The following OPTN variants were observed in gnomAD, a reference collection of about 807,000 sequenced individuals.
OPTN encodes E3-14.7K-interacting protein.
OPTN carries 54 observed loss-of-function variants against 70.4 expected under a neutral mutation model. The ratio of observed to expected loss-of-function variants is 0.77; its 90% CI spans 0.62 to 0.96. The LOEUF (loss-of-function observed/expected upper bound fraction) is 0.96. Ranked by LOEUF, OPTN falls within the 40% of genes least tolerant of loss-of-function variation. OPTN has a pLI of 0.00. For missense variants in OPTN, 624 were observed against 673.2 expected, an observed-to-expected ratio of 0.93 and a Z score of 0.81; for synonymous variants, 256 against 248.5, an observed-to-expected ratio of 1.03 and a Z score of -0.28.
chr10:13,111,473 A>G (rs962808891), intron 4 of OPTN, among the ~76,000 whole-genome samples: 11 of 152,134 alleles, frequency 7.2e-5, no homozygotes, highest in Non-Finnish European at 1.6e-4. Flanking sequence ...TAGGGTGGGC[A>G]GATCACCTGA....
chr10:13,109,339 A>G, intron 3 of OPTN, 51 bp downstream of exon 3: 1 of 1,594,188 alleles, frequency 6.3e-7, no homozygotes, highest in East Asian at 2.2e-5. Context: ...CCTGCAAGAA[A>G]TGCCATCCCT....
chr10:13,117,051 C>T (rs988977571), intron 6 of OPTN, among the ~76,000 whole-genome samples: 58 of 149,342 alleles, frequency 3.9e-4, no homozygotes, highest in African/African-American at 1.3e-3. Context: ...ATTCAAGAGA[C>T]GATTGTCTGA....
chr10:13,137,558 A>C lies in OPTN; in HGVS notation c.*692A>C, dbSNP rs1357929684. The C allele has an allele frequency of 4.3e-6, 1 of 230,862 alleles. No individual in the cohort carries two copies. Among genetic ancestry groups the C allele is most frequent in the African/African-American group, 2.2e-5 (1 of 45,222 alleles). The allele number at this position is 230,862 out of a possible 1,614,324, so 14.3% of individuals were successfully genotyped here. The stretch of plus-strand genomic sequence containing the variant: ...AATTTTAAGAACCTTTTAGGGATGC[A>C]GGAACAATGAAGTGGCCACAGTATG... On this transcript the variant is annotated 3_prime_UTR_variant, in exon 15 of 15. Coordinates refer to ENST00000378747, the MANE Select transcript of OPTN (RefSeq NM_001008212.2).
At position 13,136,759 on chromosome 10, in the gene OPTN, G is replaced by C. The variant is rs763258396; in HGVS notation, c.1627G>C (p.Asp543His). ...CTTATTCCCAGGAGCTGAGGACAGG[G>C]ACTGGCGGCAACAGCGGAATATTCC... is the stretch of plus-strand genomic sequence containing the variant. ...YLVQRGAEDRDWRQQRNIPIH... is the reference protein window; with the variant it reads ...YLVQRGAEDRHWRQQRNIPIH... The change falls in exon 15 of 15, where the codon GAC becomes CAC. Residue 543 changes from aspartate to histidine, a missense_variant. Physicochemically the swap from Asp to His is moderately conservative, Grantham distance 81. Transcript: ENST00000378747. 1.9e-6 allele frequency: 3 copies of C among 1,614,070 alleles called. No homozygotes were observed. Among genetic ancestry groups the C allele is most frequent in the Admixed American group, 1.7e-5 (1 of 60,010 alleles).
At chr10:13,110,194 G>A (rs1832965128) in intron 3 of OPTN, 80 bp from the exon 4 acceptor site, 1 of 1,577,006 alleles carries the variant, frequency 6.3e-7, no homozygotes, top group African/African-American at 1.3e-5. Flanking sequence ...ATGTGGTCAA[G>A]TGGACTAGAG....
chr10:13,122,546 A>G, intron 8 of OPTN, 59 bp downstream of exon 8: 1 of 1,112,988 alleles, frequency 9.0e-7, no homozygotes. Context: ...TAGTCCAGCC[A>G]CTGAATTCAA....
chr10:13,116,083 G>T (rs1046077704), intron 5 of OPTN, among the ~76,000 whole-genome samples, 184 bp from the exon 6 acceptor site: 1 of 152,154 alleles, frequency 6.6e-6, no homozygotes, highest in African/African-American at 2.4e-5. Context: ...GGCGTGCCAG[G>T]TGAGGGGAGG....
Position 13,127,775 on chromosome 10 carries a change from G to A in OPTN, c.1273G>A (p.Glu425Lys). 2 of 1,614,106 alleles carry A rather than the reference G, an allele frequency of 1.2e-6. No homozygotes were observed. The highest frequency in any genetic ancestry group is 1.7e-6 in the Non-Finnish European group (2 of 1,180,010). Reference protein sequence around the residue: ...SEKVDRAVLKELSEKLELAEK... With the variant: ...SEKVDRAVLKKLSEKLELAEK... ...AAAAGTGGACAGGGCAGTGCTGAAGGAACTGAGTGAAAAACTGGAACTGGC... is the reference window on the plus strand; with the variant it reads ...AAAAGTGGACAGGGCAGTGCTGAAGAAACTGAGTGAAAAACTGGAACTGGC... The change falls in exon 12 of 15, where the codon GAA (glutamate) becomes AAA (lysine). Residue 425 changes from glutamate (E) to lysine (K), a missense_variant. Transcript: ENST00000378747.
intron 14 of OPTN, among the ~76,000 whole-genome samples, chr10:13,134,857 C>T (rs1174761414): frequency 6.6e-6 from 1 of 152,224 alleles, no homozygotes; most frequent in South Asian, 2.1e-4. Flanking sequence ...GAAGCAGAGG[C>T]AATGGTCTCA....
At chr10:13,122,724 T>C in intron 8 of OPTN, 2 of 452,104 alleles carry the variant, frequency 4.4e-6, no homozygotes, top group South Asian at 2.0e-5. Context: ...GTCGCCAGGC[T>C]GGAGTGCAGT....
chr10:13,104,584 G>A (rs1372149460), intron 1 of OPTN: 4 of 646,200 alleles, frequency 6.2e-6, no homozygotes, highest in Non-Finnish European at 1.2e-5. Flanking sequence ...CTCATTCCAA[G>A]GCTTCTAACA....
chr10:13,127,927 G>T (rs1274515415), intron 12 of OPTN, 24 bp downstream of exon 12: 1 of 1,613,524 alleles, frequency 6.2e-7, no homozygotes, highest in South Asian at 1.1e-5. Context: ...CAAAACCCCA[G>T]CTGAGCGAGG....
chr10:13,116,387 C>A, intron 6 of OPTN, 47 bp downstream of exon 6: 1 of 1,372,470 alleles, frequency 7.3e-7, no homozygotes, highest in Non-Finnish European at 1.0e-6. Context: ...GCTGGGCAGG[C>A]TCGTCACTGG....
chr10:13,112,756 A>C (rs1311584455), intron 5 of OPTN, 121 bp downstream of exon 5: 1 of 971,126 alleles, frequency 1.0e-6, no homozygotes, highest in Non-Finnish European at 1.6e-6. Flanking sequence ...CAGTGTAGCA[A>C]AGATAAATTG....
chr10:13,113,619 A>G (rs1403632578), intron 5 of OPTN, among the ~76,000 whole-genome samples: 5 of 152,178 alleles, frequency 3.3e-5, no homozygotes, highest in African/African-American at 1.2e-4. Context: ...GCCCTATTGA[A>G]GAGCAGAGCA....
chr10:13,104,948 G>A (rs192981827), intron 1 of OPTN, among the ~76,000 whole-genome samples: 1 of 151,434 alleles, frequency 6.6e-6, no homozygotes, highest in Admixed American at 6.6e-5. Context: ...CTACGCCGAC[G>A]TGCGAGCTCT....
chr10:13,132,266 G>A (rs930406933), intron 13 of OPTN, 69 bp downstream of exon 13: 5 of 1,578,798 alleles, frequency 3.2e-6, no homozygotes, highest in East Asian at 2.3e-5. Context: ...CCTGTCCAAA[G>A]ACGTTCCTGA....
At chr10:13,106,850 C>T (rs145936809) in intron 1 of OPTN, among the ~76,000 whole-genome samples, 1 of 152,324 alleles carries the variant, frequency 6.6e-6, no homozygotes, top group East Asian at 1.9e-4. Flanking sequence ...CTTCCAGGGA[C>T]TGATATCATG....
intron 1 of OPTN, chr10:13,104,528 A>G (rs1298496625): frequency 1.2e-5 from 6 of 485,838 alleles, no homozygotes; most frequent in South Asian, 2.2e-5. Flanking sequence ...AACAGGCCCT[A>G]TGGAGAGAGG....
Sources: gnomAD v4.1 joint callset for allele counts (sites outside exome capture counted in the v4.1 genomes callset) on GRCh38, gnomAD v4.1.1 for gene constraint, MANE v1.5 for transcripts, NCBI Gene and HGNC (gene_info 2026-07-23, HGNC 2026-07-21) for gene names.